Variants in PNKD observed in about 807,000 individuals in gnomAD.
The protein encoded by PNKD is PNKD metallo-beta-lactamase domain containing.
In PNKD, 36 loss-of-function variants were observed where a neutral mutation model predicts 45.3. The observed-to-expected ratio is 0.80, with a 90% CI of 0.61 to 1.05. The LOEUF is 1.05. Among genes scored for constraint, PNKD ranks in the 50% least tolerant of loss-of-function variants. The pLI is 0.00. For missense variants in PNKD, 511 were observed against 506.6 expected (o/e 1.01, Z -0.08); for synonymous variants, 197 against 210.1 (o/e 0.94, Z 0.54).
intron 2 of PNKD, among the ~76,000 whole-genome samples, chr2:218,296,220 G>C (rs941100450): frequency 6.6e-6 from 1 of 152,178 alleles, no homozygotes; most frequent in African/African-American, 2.4e-5. Context: ...CTAAAAAAAA[G>C]TACTCATTGC....
At chr2:218,273,743 C>T (rs115086587) in intron 2 of PNKD, among the ~76,000 whole-genome samples, 29 of 151,886 alleles carry the variant, frequency 1.9e-4, no homozygotes, top group African/African-American at 6.8e-4. Flanking sequence ...TCCCCCCCAC[C>T]GCCCTCGGCC....
chr2:218,275,584 C>T lies in PNKD; in HGVS notation c.236+4035C>T, dbSNP rs1404218898. On this transcript the variant is annotated intron_variant, in intron 2 of 9. Transcript: ENST00000273077. ...GTCCTCGGGGCTGATGGTGTGCTTC[C>T]GGTTCCCCAGGACCAGCTGTGTGTC... The T allele has an allele frequency of 2.2e-5, 36 of 1,613,694 alleles. No individual in the cohort carries two copies. The highest frequency in any genetic ancestry group is 6.7e-5 in the East Asian group (3 of 44,896).
intron 2 of PNKD, among the ~76,000 whole-genome samples, chr2:218,324,997 CTTTTTTTT>C (rs1167758595): frequency 7.7e-4 from 48 of 62,684 alleles, no homozygotes; most frequent in East Asian, 2.2e-3. Flanking sequence ...AAATAATTTT[CTTTTTTTT>C]TTTTTTTTTT....
At chr2:218,297,710 G>C (rs1201083122) in intron 2 of PNKD, among the ~76,000 whole-genome samples, 21 of 119,524 alleles carry the variant, frequency 1.8e-4, no homozygotes, top group African/African-American at 5.8e-4. Context: ...AAAAAAAAGA[G>C]AGAAGAAAAG....
intron 2 of PNKD, chr2:218,277,387 G>T: frequency 6.2e-7 from 1 of 1,614,124 alleles, no homozygotes; most frequent in Non-Finnish European, 8.5e-7. Context: ...AGCAGAAGAT[G>T]GTGACTGAAA....
chr2:218,340,090 C>T lies in PNKD; in HGVS notation c.414C>T (p.Thr138=). Residue 138 remains threonine (T), a synonymous_variant, in exon 4 of 10, where the codon ACC becomes ACT. Transcript: ENST00000273077. The surrounding 1 kb of genome is among the most constrained non-coding windows in gnomAD (Gnocchi z 4.2). ...SDNYSYLIID[T]QAQLAVAVDP... ...ACTACAGCTACCTCATCATCGACACCCAGGCCCAGCTGGCTGTGGCTGTGG... is the reference window on the plus strand; with the variant it reads ...ACTACAGCTACCTCATCATCGACACTCAGGCCCAGCTGGCTGTGGCTGTGG... The T allele has an allele frequency of 6.2e-7, 1 of 1,614,016 alleles. No individual in the cohort carries two copies. The highest frequency in any genetic ancestry group is 1.1e-5 in the South Asian group (1 of 91,084).
intron 2 of PNKD, chr2:218,272,940 G>A: frequency 1.4e-6 from 2 of 1,472,468 alleles, no homozygotes; most frequent in Non-Finnish European, 1.8e-6. Flanking sequence ...GTGTTTAGTA[G>A]AAAGGAACCA....
chr2:218,321,623 C>CTTTT (rs35315674), intron 2 of PNKD, among the ~76,000 whole-genome samples: 7 of 93,828 alleles, frequency 7.5e-5, no homozygotes, highest in African/African-American at 8.6e-5. Context: ...GTGAGCTTGA[C>CTTTT]TTTTTTTTTT....
chr2:218,317,445 C>T (rs1391673598), intron 2 of PNKD, among the ~76,000 whole-genome samples: 1 of 152,190 alleles, frequency 6.6e-6, no homozygotes, highest in African/African-American at 2.4e-5. Context: ...GTGTTGAAAT[C>T]CTTAGAGAGT....
rs1056518950 is a variant in PNKD at position 218,271,366 on chromosome 2, T to C, written c.68-15T>C. On this transcript the variant is annotated splice_polypyrimidine_tract_variant and intron_variant, in intron 1 of 9. Coordinates refer to ENST00000273077, the MANE Select transcript of PNKD (RefSeq NM_015488.5). ...CTCATCTCTTCTTACTGACCTTCCT[T>C]ACCTCCATCCACAGGGATTCTCGCA... 1.9e-6 allele frequency: 3 copies of C among 1,613,332 alleles called. No individual in the cohort carries two copies. The highest frequency in any genetic ancestry group is 2.2e-5 in the South Asian group (2 of 91,058).
intron 1 of PNKD, 36 bp from the exon 2 acceptor site, chr2:218,271,345 T>A: frequency 6.2e-7 from 1 of 1,603,248 alleles, no homozygotes. Context: ...TTTCTTCTCA[T>A]CTCTTCTTAC....
intron 2 of PNKD, among the ~76,000 whole-genome samples, chr2:218,298,523 G>A (rs1283976138): frequency 6.6e-6 from 1 of 152,196 alleles, no homozygotes; most frequent in Non-Finnish European, 1.5e-5. Flanking sequence ...GTAGTTGTAA[G>A]AATGAAAAAT....
Position 218,318,950 on chromosome 2 carries a change from C to CTTTTTTTTTTTTT in PNKD, c.237-20823_237-20811dup, listed in dbSNP as rs769001811. On this transcript the variant is annotated intron_variant, in intron 2 of 9. Transcript: ENST00000273077. ...GCACAAATCTTTTCTTTTTTTTTTT[C>CTTTTTTTTTTTTT]TTTTTTTTTTTTTTTTTTTTTTGAG... Among the ~76,000 whole-genome samples, 60 of 99,896 alleles carry CTTTTTTTTTTTTT rather than the reference C, an allele frequency of 6.0e-4. 1 individual carries two copies. Among genetic ancestry groups the CTTTTTTTTTTTTT allele is most frequent in the Admixed American group, 1.0e-3 (9 of 8,798 alleles). 65.5% of individuals were successfully genotyped at this position (99,896 alleles called of 152,430 possible). A position where few individuals can be genotyped will look rare whatever the true frequency, so the allele number is the denominator to read the frequency against.
chr2:218,304,708 T>A (rs998473663), intron 2 of PNKD, among the ~76,000 whole-genome samples: 1 of 152,144 alleles, frequency 6.6e-6, no homozygotes, highest in Non-Finnish European at 1.5e-5. Context: ...AAAACCATAA[T>A]TGAATTTGGG....
intron 7 of PNKD, 92 bp from the exon 8 acceptor site, chr2:218,343,408 C>A: frequency 2.0e-6 from 2 of 981,782 alleles, no homozygotes; most frequent in Non-Finnish European, 3.2e-6. Context: ...CCAGCCAGAG[C>A]ATTACAAGCT....
At chr2:218,278,913 A>T in intron 2 of PNKD, 1 of 1,096,628 alleles carries the variant, frequency 9.1e-7, no homozygotes, top group Non-Finnish European at 1.3e-6. Context: ...GGCACGGGAA[A>T]CTGGCACCAA....
intron 2 of PNKD, among the ~76,000 whole-genome samples, chr2:218,293,339 T>C (rs1693044282): frequency 1.3e-5 from 2 of 152,196 alleles, no homozygotes; most frequent in African/African-American, 4.8e-5. Flanking sequence ...CTAGCACTTT[T>C]GGGAGGCCAA....
At chr2:218,318,449 G>A (rs1052100568) in intron 2 of PNKD, among the ~76,000 whole-genome samples, 1 of 152,200 alleles carries the variant, frequency 6.6e-6, no homozygotes, top group Non-Finnish European at 1.5e-5. Flanking sequence ...CACCAGGCTT[G>A]TTCTGACTCC....
intron 2 of PNKD, among the ~76,000 whole-genome samples, chr2:218,318,953 T>TTC (rs1553668621): frequency 3.4e-5 from 4 of 119,390 alleles, no homozygotes; most frequent in African/African-American, 9.0e-5. Flanking sequence ...TTTTTTTCTT[T>TTC]TTTTTTTTTT....
Sources: gnomAD v4.1 joint callset for allele counts (sites outside exome capture counted in the v4.1 genomes callset) on GRCh38, gnomAD v4.1.1 for gene constraint, Gnocchi (gnomAD v3.1) non-coding constraint, MANE v1.5 for transcripts, NCBI Gene and HGNC (gene_info 2026-07-23, HGNC 2026-07-21) for gene names.